Variants in PRKX observed in about 807,000 individuals in gnomAD.
PRKX encodes the protein cAMP-dependent protein kinase catalytic subunit PRKX.
In PRKX, 12 loss-of-function variants were observed where a neutral mutation model predicts 22.0. The ratio of observed to expected loss-of-function variants is 0.54; its 90% CI spans 0.35 to 0.88. The LOEUF (loss-of-function observed/expected upper bound fraction) is 0.88, where lower values mean the gene tolerates loss of function less well. Among genes scored for constraint, PRKX ranks in the 40% least tolerant of loss-of-function variants. PRKX has a pLI of 0.01. For missense variants in PRKX, 217 were observed against 308.0 expected, an observed-to-expected ratio of 0.70 and a Z score of 2.21; for synonymous variants, 134 against 137.7, an observed-to-expected ratio of 0.97 and a Z score of 0.19.
intron 1 of PRKX, among the ~76,000 whole-genome samples, chrX:3,695,573 A>G (rs1010363112): frequency 9.0e-6 from 1 of 110,933 alleles, no homozygotes; most frequent in Non-Finnish European, 1.9e-5. Flanking sequence ...CACCACACTC[A>G]GCTAATTTTT....
chrX:3,693,313 A>C (rs1249097135), intron 1 of PRKX, among the ~76,000 whole-genome samples: 1 of 111,374 alleles, frequency 9.0e-6, no homozygotes, highest in Non-Finnish European at 1.9e-5. Context: ...TTCCAGTGAA[A>C]ATGGGAAGGT....
chrX:3,622,470 G>C (rs1926577565), intron 5 of PRKX, among the ~76,000 whole-genome samples: 1 of 111,047 alleles, frequency 9.0e-6, no homozygotes, highest in Non-Finnish European at 1.9e-5. Context: ...GCACGAACTT[G>C]GACTGAGCCA....
chrX:3,613,854 C>CAAAAAAAAAAAAAAAAAAAAAAAAAAAAA (rs1205221732), intron 7 of PRKX, among the ~76,000 whole-genome samples: 3 of 39,421 alleles, frequency 7.6e-5, no homozygotes, highest in Admixed American at 4.8e-4. Flanking sequence ...GACTCCATCT[C>CAAAAAAAAAAAAAAAAAAAAAAAAAAAAA]AAAAAAAAAA....
At chrX:3,625,906 C>G (rs1327158514) in intron 5 of PRKX, among the ~76,000 whole-genome samples, 1 of 111,847 alleles carries the variant, frequency 8.9e-6, no homozygotes, top group East Asian at 2.8e-4. Flanking sequence ...ATATTTTTTC[C>G]CTACTGCCAC....
chrX:3,645,519 T>C (rs902901218), intron 3 of PRKX, among the ~76,000 whole-genome samples: 27 of 112,002 alleles, frequency 2.4e-4, no homozygotes, highest in African/African-American at 8.8e-4. Flanking sequence ...GGATGGGGAA[T>C]AATTGCTTAA....
At chrX:3,708,922 T>G (rs2146616390) in intron 1 of PRKX, among the ~76,000 whole-genome samples, 1 of 108,877 alleles carries the variant, frequency 9.2e-6, no homozygotes, top group South Asian at 4.0e-4. Flanking sequence ...GCACCATGGT[T>G]TGGAGGGTGG....
chrX:3,705,053 C>A (rs1431444727), intron 1 of PRKX, among the ~76,000 whole-genome samples: 1 of 111,815 alleles, frequency 8.9e-6, no homozygotes, highest in Non-Finnish European at 1.9e-5. Context: ...ATGGACCCTG[C>A]CGCGTGGGGT....
chrX:3,701,608 T>C (rs756979622), intron 1 of PRKX, among the ~76,000 whole-genome samples: 5 of 112,325 alleles, frequency 4.5e-5, no homozygotes, highest in Non-Finnish European at 9.4e-5. Context: ...AGCAACTCCA[T>C]CTTGAAGAGG....
chrX:3,646,020 C>T (rs769363149), intron 3 of PRKX, among the ~76,000 whole-genome samples: 1 of 111,693 alleles, frequency 9.0e-6, no homozygotes, highest in South Asian at 3.8e-4. Flanking sequence ...AGAGGCCAGG[C>T]ACGGTGGTTC....
intron 1 of PRKX, among the ~76,000 whole-genome samples, chrX:3,677,050 T>C (rs181514365): frequency 5.1e-4 from 57 of 111,442 alleles, no homozygotes; most frequent in South Asian, 1.1e-3. Context: ...AATGGACTAA[T>C]GCAGAATCTA....
At chrX:3,679,617 C>T (rs1928031246) in intron 1 of PRKX, among the ~76,000 whole-genome samples, 1 of 92,398 alleles carries the variant, frequency 1.1e-5, no homozygotes, top group Non-Finnish European at 2.1e-5. Flanking sequence ...TATTTCACTA[C>T]AGAAATATTC....
chrX:3,612,789 A>AATATATATATATAGTAGTATATATAT, intron 7 of PRKX, among the ~76,000 whole-genome samples: 1 of 109,978 alleles, frequency 9.1e-6, no homozygotes, highest in South Asian at 3.9e-4. Context: ...CCTGTCTCAA[A>AATATATATATATAGTAGTATATATAT]ATATATATAT....
intron 1 of PRKX, among the ~76,000 whole-genome samples, chrX:3,680,878 G>GC (rs1928058685): frequency 9.1e-6 from 1 of 110,002 alleles, no homozygotes; most frequent in Non-Finnish European, 1.9e-5. Context: ...CACAGCGAGA[G>GC]CCCCTTGTCT....
chrX:3,664,420 T>C, intron 2 of PRKX, among the ~76,000 whole-genome samples: 1 of 111,236 alleles, frequency 9.0e-6, no homozygotes, highest in East Asian at 2.8e-4. Context: ...GAGCTTTTTG[T>C]AGAGACAGGG....
At chrX:3,699,438 C>T (rs1028806376) in intron 1 of PRKX, among the ~76,000 whole-genome samples, 8 of 111,384 alleles carry the variant, frequency 7.2e-5, no homozygotes, top group African/African-American at 2.6e-4. Flanking sequence ...CTGCAACCAC[C>T]GCCTGCCGGG....
chrX:3,670,319 C>A lies in PRKX; in HGVS notation c.335+4279G>T, dbSNP rs752771215. On this transcript the variant is annotated intron_variant, in intron 2 of 8. Transcript: ENST00000262848. ...TATCCATGGGGCTGGCCAGACCCGG[C>A]GTGCTCTCTCGTGTTATGTACAGGG... 2.6e-4 allele frequency: 32 copies of A among 123,042 alleles called. No individual in the cohort carries two copies. The Admixed American group carries it at 2.8e-3, about 11-fold the overall frequency. 10.1% of individuals were successfully genotyped at this position (123,042 alleles called of 1,213,427 possible).
chrX:3,691,232 C>T (rs1036829492), intron 1 of PRKX, among the ~76,000 whole-genome samples: 6 of 111,311 alleles, frequency 5.4e-5, no homozygotes, highest in Non-Finnish European at 1.1e-4. Flanking sequence ...ATTTGTTACA[C>T]CGTACGTCTT....
At chrX:3,686,379 AC>A (rs1356473056) in intron 1 of PRKX, among the ~76,000 whole-genome samples, 1 of 108,670 alleles carries the variant, frequency 9.2e-6, no homozygotes, top group Non-Finnish European at 1.9e-5. Context: ...GTCTCTACTT[AC>A]GATCCCAGAA....
intron 1 of PRKX, among the ~76,000 whole-genome samples, chrX:3,710,070 G>A (rs1315261759): frequency 9.1e-6 from 1 of 109,636 alleles, no homozygotes; most frequent in East Asian, 2.9e-4. Flanking sequence ...CTACAGGCAC[G>A]CACCACTGTA....
Sources: allele counts gnomAD v4.1 joint callset (sites outside exome capture counted in the v4.1 genomes callset), GRCh38; gene constraint gnomAD v4.1.1; transcripts MANE v1.5; gene names NCBI Gene and HGNC (gene_info 2026-07-23, HGNC 2026-07-21).